Variants in DGKG observed in about 807,000 individuals in gnomAD.
DGKG encodes DAG kinase gamma.
A neutral mutation model predicts 105.3 loss-of-function variants in DGKG; 78 were observed. The ratio of observed to expected loss-of-function variants is 0.74; its 90% CI spans 0.62 to 0.89. DGKG has a LOEUF of 0.89. Ranked by LOEUF, DGKG falls within the 40% of genes least tolerant of loss-of-function variation. DGKG has a pLI of 0.00. For missense variants in DGKG, 958 were observed against 1,020.1 expected (o/e 0.94, Z 0.83); for synonymous variants, 346 against 367.1 (o/e 0.94, Z 0.66).
chr3:186,307,911 T>C (rs1205635659), intron 2 of DGKG, among the ~76,000 whole-genome samples: 1 of 152,116 alleles, frequency 6.6e-6, no homozygotes, highest in Non-Finnish European at 1.5e-5. Flanking sequence ...ATTTTTATTT[T>C]TTATCTTGAT....
chr3:186,229,693 C>T (rs1174359385), intron 20 of DGKG, among the ~76,000 whole-genome samples: 1 of 152,182 alleles, frequency 6.6e-6, no homozygotes, highest in East Asian at 1.9e-4. Flanking sequence ...CCCACGAACT[C>T]CTGAAAAGCA....
At chr3:186,282,758 C>A (rs533163753) in intron 7 of DGKG, among the ~76,000 whole-genome samples, 1 of 152,066 alleles carries the variant, frequency 6.6e-6, no homozygotes. Context: ...TCTGGTGATC[C>A]GCCCACCTCA....
intron 1 of DGKG, among the ~76,000 whole-genome samples, chr3:186,357,899 T>G (rs1727049263): frequency 6.6e-6 from 1 of 152,240 alleles, no homozygotes; most frequent in African/African-American, 2.4e-5. Context: ...ACATGCTGCA[T>G]GTAAGCACTA....
At chr3:186,183,808 G>A (rs770897622) in intron 22 of DGKG, among the ~76,000 whole-genome samples, 5 of 151,848 alleles carry the variant, frequency 3.3e-5, no homozygotes, top group Non-Finnish European at 7.4e-5. Context: ...AGGTTCAAGC[G>A]ATTGTCCTGC....
At chr3:186,301,034 A>G (rs1723895769) in intron 3 of DGKG, among the ~76,000 whole-genome samples, 2 of 152,216 alleles carry the variant, frequency 1.3e-5, no homozygotes, top group East Asian at 3.8e-4. Context: ...TCCCAACATT[A>G]CAGGCTGAGC....
intron 19 of DGKG, 143 bp from the exon 20 acceptor site, chr3:186,242,711 C>T (rs370262411): frequency 3.7e-5 from 23 of 625,676 alleles, no homozygotes; most frequent in African/African-American, 5.5e-5. Context: ...AGGTCACATC[C>T]GCGGAGCCAA....
At chr3:186,334,341 C>A (rs989031310) in intron 1 of DGKG, among the ~76,000 whole-genome samples, 3 of 152,198 alleles carry the variant, frequency 2.0e-5, no homozygotes, top group African/African-American at 7.2e-5. Flanking sequence ...TTAGTACCAT[C>A]TCTAGATTGT....
rs534848671 is a variant in DGKG at position 186,313,917 on chromosome 3, A to G, written c.67+6476T>C. 3.9e-5 allele frequency among the ~76,000 whole-genome samples: 6 copies of G among 151,950 alleles called. No individual in the cohort carries two copies. In the South Asian group the frequency reaches 1.2e-3, roughly 32 times the overall value. On this transcript the variant is annotated intron_variant, in intron 2 of 24. Transcript: ENST00000265022. ...TGAGCATTTGATCAAGTCTCACTCT[A>G]CTGGCCAGCATAAATAGCAAGGTTT... is the stretch of plus-strand genomic sequence containing the variant.
chr3:186,248,631 T>C (rs1452713386), intron 19 of DGKG, among the ~76,000 whole-genome samples: 5 of 152,212 alleles, frequency 3.3e-5, no homozygotes, highest in African/African-American at 1.2e-4. Context: ...GAATTTACAT[T>C]TCTGATAAGA....
chr3:186,235,392 T>C (rs973933241), intron 20 of DGKG, among the ~76,000 whole-genome samples: 1 of 152,220 alleles, frequency 6.6e-6, no homozygotes, highest in African/African-American at 2.4e-5. Flanking sequence ...AGGTCTCTTT[T>C]GAGGTGCCAA....
intron 21 of DGKG, among the ~76,000 whole-genome samples, chr3:186,200,910 A>G (rs1718426159): frequency 6.6e-6 from 1 of 152,194 alleles, no homozygotes; most frequent in Non-Finnish European, 1.5e-5. Flanking sequence ...GGCGGGCACA[A>G]TGGTGCCTTT....
intron 2 of DGKG, among the ~76,000 whole-genome samples, chr3:186,317,684 G>A (rs1468173715): frequency 1.3e-5 from 2 of 152,086 alleles, no homozygotes; most frequent in African/African-American, 4.8e-5. Context: ...GAAACAATGC[G>A]TGCATCAGGA....
At chr3:186,351,819 T>C (rs1726643794) in intron 1 of DGKG, among the ~76,000 whole-genome samples, 1 of 152,222 alleles carries the variant, frequency 6.6e-6, no homozygotes, top group Admixed American at 6.5e-5. Flanking sequence ...CCAGTTTCGG[T>C]TCTGACACCT....
chr3:186,260,366 A>G lies in DGKG; in HGVS notation c.1424+73T>C, dbSNP rs1721706393. On this transcript the variant is annotated intron_variant, in intron 16 of 24. Transcript: ENST00000265022. ...TGAGAGACGAAAGAAAAAAAAGGTG[A>G]CAAAAGAGGCATCTTCATTGGAGTT... 4 of 1,089,852 alleles carry G rather than the reference A, an allele frequency of 3.7e-6. 1 individual carries two copies. The highest frequency in any genetic ancestry group is 2.7e-5 in the South Asian group (2 of 74,214). 67.5% of individuals were successfully genotyped at this position (1,089,852 alleles called of 1,614,324 possible). A position where few individuals can be genotyped will look rare whatever the true frequency, so the allele number is the denominator to read the frequency against.
intron 10 of DGKG, among the ~76,000 whole-genome samples, chr3:186,273,364 C>T (rs1174784845): frequency 1.1e-5 from 1 of 88,816 alleles, no homozygotes; most frequent in African/African-American, 4.5e-5. Flanking sequence ...GACTGTTGTA[C>T]CCCTTTTTTT....
intron 21 of DGKG, among the ~76,000 whole-genome samples, chr3:186,194,278 C>T (rs1186330289): frequency 4.6e-5 from 7 of 152,248 alleles, no homozygotes; most frequent in African/African-American, 1.7e-4. Context: ...GCACCCCCGC[C>T]CTTGATGTCT....
chr3:186,227,926 C>G (rs1442259153), intron 20 of DGKG, among the ~76,000 whole-genome samples: 2 of 152,174 alleles, frequency 1.3e-5, no homozygotes, highest in African/African-American at 4.8e-5. Context: ...CAAAAATACT[C>G]TTATGCAAAA....
chr3:186,239,956 G>A (rs925250161), intron 20 of DGKG, among the ~76,000 whole-genome samples: 34 of 150,652 alleles, frequency 2.3e-4, no homozygotes, highest in Non-Finnish European at 3.8e-4. Context: ...AATCATGTGG[G>A]TGATGGATGA....
rs563603067 is a variant in DGKG, at chr3:186,311,770, T to C, written c.68-4793A>G. Among the ~76,000 whole-genome samples, 25 of 152,244 alleles carry C rather than the reference T, an allele frequency of 1.6e-4. No homozygotes were observed. In the South Asian group the frequency reaches 4.1e-3, roughly 25 times the overall value. On this transcript the variant is annotated intron_variant, in intron 2 of 24. Transcript: ENST00000265022. ...GACTTCAGTGTTTACAGCAGAATAT[T>C]AGTTGTGCTGCCAGGACTAGACCCC... is the stretch of plus-strand genomic sequence containing the variant.
Sources: allele counts gnomAD v4.1 joint callset (sites outside exome capture counted in the v4.1 genomes callset), GRCh38; gene constraint gnomAD v4.1.1; transcripts MANE v1.5; gene names NCBI Gene and HGNC (gene_info 2026-07-23, HGNC 2026-07-21).